The following PTPRN2 variants were observed in gnomAD, a reference collection of about 807,000 sequenced individuals.
PTPRN2 encodes protein tyrosine phosphatase receptor type N2, also known as receptor-type tyrosine-protein phosphatase N2.
A neutral mutation model predicts 118.8 loss-of-function variants in PTPRN2; 74 were observed. The ratio of observed to expected loss-of-function variants is 0.62; its 90% CI spans 0.52 to 0.76. The LOEUF (loss-of-function observed/expected upper bound fraction) is 0.76, where lower values mean the gene tolerates loss of function less well. Ranked by LOEUF, PTPRN2 falls within the 30% of genes least tolerant of loss-of-function variation. The pLI is 0.00. For synonymous variants in PTPRN2, 641 were observed against 608.0 expected, an observed-to-expected ratio of 1.05 and a Z score of -0.80; for missense variants, 1,481 against 1,394.4, an observed-to-expected ratio of 1.06 and a Z score of -0.99.
intron 2 of PTPRN2, among the ~76,000 whole-genome samples, chr7:158,417,947 GTAC>G (rs1814860726): frequency 6.7e-6 from 1 of 149,266 alleles, no homozygotes; most frequent in African/African-American, 2.5e-5. Flanking sequence ...AAGTCATGGT[GTAC>G]TACATCGAGA....
intron 5 of PTPRN2, among the ~76,000 whole-genome samples, chr7:158,171,276 CACACATATATATACACACATATAT>C (rs1823615229): frequency 9.9e-5 from 6 of 60,422 alleles, no homozygotes; most frequent in African/African-American, 3.8e-4. Flanking sequence ...CACATATATA[CACACATATATATACACACATATAT>C]ATACACACAT....
chr7:158,441,356 T>C (rs1229272105), intron 2 of PTPRN2, among the ~76,000 whole-genome samples: 1 of 146,346 alleles, frequency 6.8e-6, no homozygotes. Context: ...ATGGTGGTGA[T>C]GGTGATGGCA....
At chr7:158,071,896 C>G (rs796468839) in intron 11 of PTPRN2, among the ~76,000 whole-genome samples, 2 of 1,668 alleles carry the variant, frequency 1.2e-3, no homozygotes, top group Non-Finnish European at 2.4e-3. Flanking sequence ...GGAGGTGCTC[C>G]TGGTGGAGGT....
rs1800344413 is a variant in PTPRN2 at position 157,944,442 on chromosome 7, CGA to C, written c.1724-45707_1724-45706del. Among the ~76,000 whole-genome samples, 1 of 152,116 alleles carries C rather than the reference CGA, an allele frequency of 6.6e-6. No individual in the cohort carries two copies. The highest frequency in any genetic ancestry group is 1.5e-5 in the Non-Finnish European group (1 of 68,018). ...TTAAGTGGCACAAATATGTGTTTAT[CGA>C]GAGAAACCTAAGTTTGTGAGAAAAG... On this transcript the variant is annotated intron_variant, in intron 11 of 22. Transcript: ENST00000389418. This position sits in a 1 kb window ranked among gnomAD's most constrained non-coding sequence, Gnocchi z 4.3.
chr7:158,571,375 C>T (rs1372188291), intron 1 of PTPRN2, among the ~76,000 whole-genome samples: 4 of 151,292 alleles, frequency 2.6e-5, no homozygotes, highest in African/African-American at 7.3e-5. Flanking sequence ...CTACTTGGGA[C>T]GCTGAGGCAG....
chr7:158,072,017 GAGGTGCTCA>G (rs1811934663), intron 11 of PTPRN2, among the ~76,000 whole-genome samples: 3 of 139,958 alleles, frequency 2.1e-5, no homozygotes, highest in African/African-American at 5.4e-5. Flanking sequence ...TCGTCGTATG[GAGGTGCTCA>G]TGGTGGAGGT....
At chr7:158,492,883 C>G (rs1014827124) in intron 1 of PTPRN2, among the ~76,000 whole-genome samples, 1 of 152,256 alleles carries the variant, frequency 6.6e-6, no homozygotes, top group African/African-American at 2.4e-5. Context: ...CATGTGGCGG[C>G]AAGTGGCATC....
chr7:158,245,746 T>G (rs1585964415), intron 3 of PTPRN2, among the ~76,000 whole-genome samples: 1 of 152,158 alleles, frequency 6.6e-6, no homozygotes, highest in Admixed American at 6.5e-5. Context: ...GACGTGGCTG[T>G]GTGAACAGGT....
At chr7:157,688,339 A>AC (rs1797294635) in intron 12 of PTPRN2, among the ~76,000 whole-genome samples, 1 of 152,234 alleles carries the variant, frequency 6.6e-6, no homozygotes, top group South Asian at 2.1e-4. Context: ...GATTTATGAT[A>AC]CTGATGTCCA....
chr7:158,398,264 T>A (rs1812679443), intron 2 of PTPRN2, among the ~76,000 whole-genome samples: 1 of 152,234 alleles, frequency 6.6e-6, no homozygotes, highest in Admixed American at 6.5e-5. Flanking sequence ...GGTAGCAAGA[T>A]TGAGTATGCC....
intron 2 of PTPRN2, among the ~76,000 whole-genome samples, chr7:158,342,033 CATAA>C (rs1806945732): frequency 6.7e-6 from 1 of 148,676 alleles, no homozygotes; most frequent in African/African-American, 2.5e-5. Context: ...ACACTCTCAC[CATAA>C]GAGCTGACAC....
rs116621713 is a variant in PTPRN2, at chr7:157,905,119, C to T, written c.1724-6382G>A. On this transcript the variant is annotated intron_variant, in intron 11 of 22. Coordinates refer to ENST00000389418, the MANE Select transcript of PTPRN2 (RefSeq NM_002847.5). Reference sequence around the variant, plus strand: ...CACTGGGGAGCCCGCCGTCCTCTCGCGGGACTTTTGCCCACACCTGTGTAA... The same window carrying T: ...CACTGGGGAGCCCGCCGTCCTCTCGTGGGACTTTTGCCCACACCTGTGTAA... Among the ~76,000 whole-genome samples the T allele has an allele frequency of 8.9e-3, 1,349 of 152,306 alleles. 21 individuals are homozygous for T. Among genetic ancestry groups the T allele is most frequent in the African/African-American group, 0.031 (1,276 of 41,564 alleles).
In PTPRN2 at chr7:158,557,396, C is replaced by T. The variant is rs966691623; in HGVS notation, c.112+30162G>A. On this transcript the variant is annotated intron_variant, in intron 1 of 22. Transcript: ENST00000389418. ...GCTCCCACGCAGTTTAGGCAGCTCC[C>T]GCGCAGGTCAGGCAGCTCCCGTGCA... Among the ~76,000 whole-genome samples the T allele has an allele frequency of 8.5e-5, 13 of 152,302 alleles. No individual in the cohort carries two copies. In the South Asian group the frequency reaches 1.2e-3, roughly 15 times the overall value.
chr7:158,330,867 C>A, intron 2 of PTPRN2, among the ~76,000 whole-genome samples: 5 of 102,686 alleles, frequency 4.9e-5, no homozygotes, highest in African/African-American at 1.8e-4. Flanking sequence ...CTGATGCCCG[C>A]AGACGTCATT....
chr7:158,152,031 G>A (rs973377580), intron 6 of PTPRN2, among the ~76,000 whole-genome samples: 7 of 152,016 alleles, frequency 4.6e-5, no homozygotes, highest in East Asian at 1.9e-4. Flanking sequence ...AAAATTAGCC[G>A]GGCGTGGTGG....
In PTPRN2 at chr7:158,521,627, G is replaced by A. The variant is rs1407500529; in HGVS notation, c.113-31842C>T. 3.3e-3 allele frequency among the ~76,000 whole-genome samples: 369 copies of A among 111,534 alleles called. 9 individuals carry two copies. Among genetic ancestry groups the A allele is most frequent in the Non-Finnish European group, 5.4e-3 (296 of 54,918 alleles). The allele number at this position is 111,534 out of a possible 152,430, so 73.2% of individuals were successfully genotyped here. ...ACTGTCCAGGTAGTGGCTCAGGAGGGAGGTCCACGTCACAATGGTGGACTG... is the reference window on the plus strand; with the variant it reads ...ACTGTCCAGGTAGTGGCTCAGGAGGAAGGTCCACGTCACAATGGTGGACTG... On this transcript the variant is annotated intron_variant, in intron 1 of 22. Coordinates refer to ENST00000389418, the MANE Select transcript of PTPRN2 (RefSeq NM_002847.5).
rs76840048 is a variant in PTPRN2 at position 158,203,761 on chromosome 7, A to G, written c.380+1410T>C. Among the ~76,000 whole-genome samples the G allele has an allele frequency of 0.01, 1,537 of 152,308 alleles. 88 individuals are homozygous for G. The East Asian group carries it at 0.17, about 17-fold the overall frequency. ...CCAGTGGAATTTAGAGAGGAGTATA[A>G]GGAGTTTGAACACATCCAAAATAGA... is the stretch of plus-strand genomic sequence containing the variant. On this transcript the variant is annotated intron_variant, in intron 4 of 22. Transcript: ENST00000389418.
At chr7:158,372,303 C>T (rs1386791269) in intron 2 of PTPRN2, among the ~76,000 whole-genome samples, 1 of 151,606 alleles carries the variant, frequency 6.6e-6, no homozygotes, top group African/African-American at 2.4e-5. Flanking sequence ...GAGCTGGTCC[C>T]CCCAACGCTG....
At chr7:158,311,862 CAT>C (rs1563118606) in intron 3 of PTPRN2, among the ~76,000 whole-genome samples, 1 of 151,200 alleles carries the variant, frequency 6.6e-6, no homozygotes, top group African/African-American at 2.4e-5. Flanking sequence ...CTCACATGCT[CAT>C]GTGTAGACAC....
Sources: gnomAD v4.1 joint callset for allele counts (sites outside exome capture counted in the v4.1 genomes callset) on GRCh38, gnomAD v4.1.1 for gene constraint, Gnocchi (gnomAD v3.1) non-coding constraint, MANE v1.5 for transcripts, NCBI Gene and HGNC (gene_info 2026-07-23, HGNC 2026-07-21) for gene names.